MGAM: variants seen among roughly 807,000 people sequenced by gnomAD.
The protein encoded by MGAM is maltase-glucoamylase.
In MGAM, 253 loss-of-function variants were observed where a neutral mutation model predicts 358.8. The observed-to-expected ratio is 0.71, with a 90% CI of 0.64 to 0.78. The LOEUF (loss-of-function observed/expected upper bound fraction) is 0.78. Ranked by LOEUF, MGAM falls within the 30% of genes least tolerant of loss-of-function variation. The pLI, the probability that MGAM is intolerant of heterozygous loss-of-function variation, is 0.00. For synonymous variants in MGAM, 1,105 were observed against 1,227.1 expected, an observed-to-expected ratio of 0.90 and a Z score of 2.08; for missense variants, 3,080 against 3,432.6, an observed-to-expected ratio of 0.90 and a Z score of 2.57.
chr7:142,098,238 C>T (rs1432293039), intron 66 of MGAM, among the ~76,000 whole-genome samples: 4 of 152,084 alleles, frequency 2.6e-5, no homozygotes, highest in South Asian at 2.1e-4. Context: ...AGCTCCTTGC[C>T]GCATAGTTTC....
intron 21 of MGAM, 146 bp from the exon 22 acceptor site, chr7:142,047,639 G>C (rs1810514536): frequency 7.0e-6 from 5 of 714,010 alleles, no homozygotes; most frequent in Non-Finnish European, 1.2e-5. Context: ...AGGGGCGCCT[G>C]TCAATTTTGT....
In MGAM at chr7:142,052,829, C is replaced by T; in HGVS notation, c.3004C>T (p.Leu1002=). Residue 1002 remains leucine, a synonymous_variant, in exon 26 of 71, where the codon CTA becomes TTA. Transcript: ENST00000475668. Reference sequence around the variant, plus strand: ...CCCTTTTTGCTATTTTGTCAACGACCTATACTCTGTCAGTGATGTTCAGTA... The same window carrying T: ...CCCTTTTTGCTATTTTGTCAACGACTTATACTCTGTCAGTGATGTTCAGTA... ...GVPFCYFVND[L]YSVSDVQYNS... is the part of the protein sequence containing the mutation. 3 of 1,613,876 alleles carry T rather than the reference C, an allele frequency of 1.9e-6. No homozygotes were observed. Among genetic ancestry groups the T allele is most frequent in the Non-Finnish European group, 2.5e-6 (3 of 1,179,836 alleles).
At chr7:142,084,442 A>G in intron 53 of MGAM, 77 bp from the exon 54 acceptor site, 1 of 1,447,610 alleles carries the variant, frequency 6.9e-7, no homozygotes. Flanking sequence ...GCACAGAAAA[A>G]TATTCTTATT....
chr7:142,030,677 C>A lies in MGAM; in HGVS notation c.1390C>A (p.Pro464Thr), dbSNP rs782265176. The A allele has an allele frequency of 8.7e-6, 14 of 1,613,048 alleles. No homozygotes were observed. Among genetic ancestry groups the A allele is most frequent in the Non-Finnish European group, 1.2e-5 (14 of 1,179,314 alleles). The change falls in exon 12 of 71, where the codon CCC becomes ACC. Residue 464 changes from proline to threonine, a missense_variant. Pro to Thr is a conservative substitution (Grantham distance 38). Around this residue, in one of 5 missense-constraint regions of MGAM, gnomAD observed 1,816 missense variants for 1,840.5 expected, o/e 0.99. Coordinates refer to ENST00000475668, the MANE Select transcript of MGAM (RefSeq NM_001365693.1). The stretch of plus-strand genomic sequence containing the variant: ...CTCCAACAACTCTTCCTCAAGTAAA[C>A]CCTATGGCCCATATGACAGGGGTTC... ...AISNNSSSSKPYGPYDRGSDM... is the reference protein window; with the variant it reads ...AISNNSSSSKTYGPYDRGSDM...
rs577988662 is a variant in MGAM at position 142,073,036 on chromosome 7, A to T, written c.5187-1049A>T. ...TATATGTTATAATTTATCTAGGATC[A>T]GGTAATATTTTACTGGGTAAGTCTC... On this transcript the variant is annotated intron_variant, in intron 44 of 70. Coordinates refer to ENST00000475668, the MANE Select transcript of MGAM (RefSeq NM_001365693.1). Among the ~76,000 whole-genome samples, 16 of 146,430 alleles carry T rather than the reference A, an allele frequency of 1.1e-4. 1 individual carries two copies. Among genetic ancestry groups the T allele is most frequent in the African/African-American group, 3.9e-4 (16 of 41,240 alleles).
chr7:142,073,404 C>T (rs12531274), intron 44 of MGAM, among the ~76,000 whole-genome samples: 49,960 of 144,512 alleles, frequency 0.35, 13,381 homozygotes, highest in Middle Eastern at 0.51. Context: ...ATAGGAAGAG[C>T]AGGAAACTGA....
At position 142,099,685 on chromosome 7, in the gene MGAM, C is replaced by T. The variant is rs372412602; in HGVS notation, c.7822C>T (p.Arg2608Cys). The change falls in exon 67 of 71, where the codon CGT becomes TGT. Residue 2608 changes from arginine (R) to cysteine (C), a missense_variant. Arg to Cys is a radical substitution (Grantham distance 180). Transcript: ENST00000475668. ...TCTTGACCACATTAATCTTCATGTC[C>T]GTGGGGGCTACATCCTGCCCTGGCA... ...APLDHINLHVRGGYILPWQEP... is the reference protein window; with the variant it reads ...APLDHINLHVCGGYILPWQEP... 54 of 1,613,958 alleles carry T rather than the reference C, an allele frequency of 3.3e-5. No individual in the cohort carries two copies. In the East Asian group the frequency reaches 4.5e-4, roughly 13 times the overall value.
At chr7:142,045,192 A>T (rs1465739712) in intron 21 of MGAM, among the ~76,000 whole-genome samples, 1 of 73,774 alleles carries the variant, frequency 1.4e-5, no homozygotes, top group Non-Finnish European at 2.6e-5. Context: ...TATATGATAT[A>T]TAATATATAT....
intron 47 of MGAM, 28 bp downstream of exon 47, chr7:142,076,854 C>T: frequency 6.5e-7 from 1 of 1,538,928 alleles, no homozygotes; most frequent in South Asian, 1.1e-5. Context: ...TGAGATGGTA[C>T]ATTGAGAATT....
rs1807827217 is a variant in MGAM, at chr7:142,034,708, T to G, written c.1826T>G (p.Ile609Ser). 1 of 1,613,474 alleles carries G rather than the reference T, an allele frequency of 6.2e-7. No homozygotes were observed. The highest frequency in any genetic ancestry group is 8.5e-7 in the Non-Finnish European group (1 of 1,179,638). ...GTGTTCCCTAATAAGAGAAGCTTCATTCTGACCCGTTCTACCTTTGCGGGC... is the reference window on the plus strand; with the variant it reads ...GTGTTCCCTAATAAGAGAAGCTTCAGTCTGACCCGTTCTACCTTTGCGGGC... ...KTVFPNKRSF[I>S]LTRSTFAGSG... The change falls in exon 16 of 71, where the codon ATT (isoleucine) becomes AGT (serine). Residue 609 changes from isoleucine (I) to serine (S), a missense_variant. Physicochemically the swap from Ile to Ser is moderately radical, Grantham distance 142 (BLOSUM62 -2). Transcript: ENST00000475668.
At chr7:142,053,062 C>G in intron 26 of MGAM, 78 bp downstream of exon 26, 1 of 1,464,056 alleles carries the variant, frequency 6.8e-7, no homozygotes, top group Non-Finnish European at 9.4e-7. Context: ...GATCACAGAA[C>G]CCTAAAATAA....
chr7:141,992,537 G>A (rs782201631), upstream of MGAM, among the ~76,000 whole-genome samples: 9 of 152,150 alleles, frequency 5.9e-5, no homozygotes, highest in Non-Finnish European at 1.2e-4. Flanking sequence ...CTGCCTTGGG[G>A]CCATTGTGAA....
At chr7:142,098,298 G>A (rs1435821698) in intron 66 of MGAM, among the ~76,000 whole-genome samples, 1 of 152,060 alleles carries the variant, frequency 6.6e-6, no homozygotes, top group African/African-American at 2.4e-5. Context: ...GGGTCTTCCC[G>A]GGCAGCTCTG....
chr7:142,102,795 A>G (rs546837202), intron 69 of MGAM, 116 bp downstream of exon 69: 4 of 1,013,644 alleles, frequency 3.9e-6, no homozygotes, highest in East Asian at 5.2e-5. Flanking sequence ...TTGCTAATTC[A>G]CATTCTTCTA....
Position 142,086,424 on chromosome 7 carries a change from A to G in MGAM, c.6747+96A>G, listed in dbSNP as rs554145482. On this transcript the variant is annotated intron_variant, in intron 56 of 70. Coordinates refer to ENST00000475668, the MANE Select transcript of MGAM (RefSeq NM_001365693.1). ...GTGTATGTTATTTTTGGCCTTTTCTATTTGGGCTCTGAGGTCAGAAGCTCT... is the reference window on the plus strand; with the variant it reads ...GTGTATGTTATTTTTGGCCTTTTCTGTTTGGGCTCTGAGGTCAGAAGCTCT... The G allele has an allele frequency of 3.8e-6, 4 of 1,045,924 alleles. No individual in the cohort carries two copies. The South Asian group carries it at 5.1e-5, about 13-fold the overall frequency. 64.8% of individuals were successfully genotyped at this position (1,045,924 alleles called of 1,614,324 possible). A position where few individuals can be genotyped will look rare whatever the true frequency, so the allele number is the denominator to read the frequency against.
intron 52 of MGAM, among the ~76,000 whole-genome samples, chr7:142,082,854 T>C (rs767694430): frequency 6.8e-6 from 1 of 146,032 alleles, no homozygotes; most frequent in Non-Finnish European, 1.6e-5. Flanking sequence ...GAGCCAGTTA[T>C]AAAATTTGAA....
At chr7:142,082,775 G>T (rs1174599572) in intron 52 of MGAM, among the ~76,000 whole-genome samples, 2 of 145,674 alleles carry the variant, frequency 1.4e-5, no homozygotes, top group Non-Finnish European at 3.1e-5. Context: ...CTCTTATTTT[G>T]GTAAAAATCA....
chr7:142,018,331 G>A (rs552971531), intron 3 of MGAM, among the ~76,000 whole-genome samples: 2 of 152,308 alleles, frequency 1.3e-5, no homozygotes, highest in Non-Finnish European at 2.9e-5. Flanking sequence ...TACCATGTGA[G>A]CCCCTCCACA....
chr7:142,065,941 G>GTT, intron 40 of MGAM, 110 bp downstream of exon 40: 4 of 906,774 alleles, frequency 4.4e-6, no homozygotes, highest in Non-Finnish European at 3.2e-6. Flanking sequence ...TTAAAAAAAG[G>GTT]TGTTTTTTTT....
Sources: allele counts gnomAD v4.1 joint callset (sites outside exome capture counted in the v4.1 genomes callset), GRCh38; gene constraint gnomAD v4.1.1; regional missense constraint gnomAD v4.1.1; transcripts MANE v1.5; gene names NCBI Gene and HGNC (gene_info 2026-07-23, HGNC 2026-07-21).